Variants in RASSF3 observed in about 807,000 individuals in gnomAD.
RASSF3 encodes the protein Ras association domain family member 3.
RASSF3 carries 19 observed loss-of-function variants against 19.9 expected under a neutral mutation model. The ratio of observed to expected loss-of-function variants is 0.96; its 90% CI spans 0.67 to 1.40. The LOEUF (loss-of-function observed/expected upper bound fraction) is 1.40, where lower values mean the gene tolerates loss of function less well. Among genes scored for constraint, RASSF3 ranks in the 40% most tolerant of loss-of-function variants. The probability of loss-of-function intolerance (pLI) is 0.00; values close to 1 mark genes in which losing one functional copy is unlikely to be tolerated. For missense variants in RASSF3, 306 were observed against 289.8 expected (o/e 1.06, Z -0.41); for synonymous variants, 110 against 104.2 (o/e 1.06, Z -0.34).
upstream of RASSF3, among the ~76,000 whole-genome samples, chr12:64,531,660 G>A (rs1009067023): frequency 1.3e-5 from 2 of 152,144 alleles, no homozygotes; most frequent in African/African-American, 4.8e-5. Flanking sequence ...TTTCTAGAAA[G>A]ATGAGCTATG....
chr12:64,546,727 G>C (rs1270020960), intron 2 of RASSF3, among the ~76,000 whole-genome samples: 1 of 152,124 alleles, frequency 6.6e-6, no homozygotes, highest in East Asian at 1.9e-4. Context: ...AATATCTCAA[G>C]ACCCAGGATT....
chr12:64,623,096 T>C (rs910020681), intron 1 of RASSF3, among the ~76,000 whole-genome samples: 1 of 152,088 alleles, frequency 6.6e-6, no homozygotes, highest in Non-Finnish European at 1.5e-5. Flanking sequence ...GCTGAGATTA[T>C]AAGCATGAGC....
intron 1 of RASSF3, among the ~76,000 whole-genome samples, chr12:64,613,790 A>T (rs982391076): frequency 6.6e-6 from 1 of 151,966 alleles, no homozygotes; most frequent in Admixed American, 6.6e-5. Context: ...TACAAAAAAA[A>T]TGCAAAAATT....
In RASSF3 at chr12:64,669,664, T is replaced by C. The variant is rs73321779; in HGVS notation, c.112-15123T>C. On this transcript the variant is annotated intron_variant, in intron 1 of 4. Coordinates refer to ENST00000542104, the MANE Select transcript of RASSF3 (RefSeq NM_178169.4). Reference sequence around the variant, plus strand: ...CTTGGTAGCTGGGCTGCTGTTCTCCTTGACCCGTCCCTTTGCAAGCAGCAG... The same window carrying C: ...CTTGGTAGCTGGGCTGCTGTTCTCCCTGACCCGTCCCTTTGCAAGCAGCAG... Among the ~76,000 whole-genome samples, 1,014 of 151,934 alleles carry C rather than the reference T, an allele frequency of 6.7e-3. 14 individuals carry two copies. Among genetic ancestry groups the C allele is most frequent in the African/African-American group, 0.024 (980 of 41,396 alleles).
At chr12:64,560,965 T>C (rs1235541974) in intron 2 of RASSF3, among the ~76,000 whole-genome samples, 1 of 150,748 alleles carries the variant, frequency 6.6e-6, no homozygotes, top group Admixed American at 6.6e-5. Context: ...TAAAAGAGTC[T>C]GTATTAGTAA....
intron 2 of RASSF3, among the ~76,000 whole-genome samples, chr12:64,575,122 T>G (rs1230611764): frequency 1.3e-5 from 2 of 152,244 alleles, no homozygotes; most frequent in African/African-American, 4.8e-5. Context: ...CTGTCATTTA[T>G]GTACATAGCA....
chr12:64,641,055 T>C (rs1871499225), intron 1 of RASSF3, among the ~76,000 whole-genome samples: 2 of 151,978 alleles, frequency 1.3e-5, no homozygotes, highest in South Asian at 2.1e-4. Flanking sequence ...GATATACTTA[T>C]TTAACGTCAA....
chr12:64,573,082 G>A (rs1302051053), intron 2 of RASSF3, among the ~76,000 whole-genome samples: 1 of 152,120 alleles, frequency 6.6e-6, no homozygotes, highest in Non-Finnish European at 1.5e-5. Flanking sequence ...GCCAGGTATG[G>A]TGGCTCGTGC....
chr12:64,599,825 G>A (rs1046140927), intron 2 of RASSF3, among the ~76,000 whole-genome samples: 4 of 152,070 alleles, frequency 2.6e-5, no homozygotes, highest in African/African-American at 7.2e-5. Flanking sequence ...GAGGTCAGGA[G>A]ATCGAGACCA....
At chr12:64,507,411 G>A (rs769430254) in intron 1 of RASSF3, 53 of 397,056 alleles carry the variant, frequency 1.3e-4, no homozygotes, top group East Asian at 1.1e-3. Context: ...AGCCTCCCTC[G>A]CATGGGCAGG....
At chr12:64,580,547 G>T (rs982349139) in intron 2 of RASSF3, among the ~76,000 whole-genome samples, 4 of 150,066 alleles carry the variant, frequency 2.7e-5, no homozygotes, top group African/African-American at 7.4e-5. Flanking sequence ...CTGGGGGATA[G>T]AATGAGACCT....
At chr12:64,552,205 A>G (rs1046963256) in intron 2 of RASSF3, among the ~76,000 whole-genome samples, 1 of 152,114 alleles carries the variant, frequency 6.6e-6, no homozygotes, top group African/African-American at 2.4e-5. Context: ...GGAAGGAGGA[A>G]AGAGAGAAAG....
intron 2 of RASSF3, among the ~76,000 whole-genome samples, chr12:64,555,565 T>C (rs7308360): frequency 0.63 from 95,760 of 151,616 alleles, 31,023 homozygotes; most frequent in Non-Finnish European, 0.71. Flanking sequence ...CTGGCTAACA[T>C]GGTGAAACCC....
chr12:64,600,428 A>G (rs1296923516), intron 2 of RASSF3, among the ~76,000 whole-genome samples: 1 of 152,240 alleles, frequency 6.6e-6, no homozygotes, highest in Non-Finnish European at 1.5e-5. Flanking sequence ...AAACATACTG[A>G]GCAAACAGTA....
At position 64,625,678 on chromosome 12, in the gene RASSF3, C is replaced by G. The variant is rs963336620; in HGVS notation, c.111+14935C>G. Among the ~76,000 whole-genome samples, 4 of 152,184 alleles carry G rather than the reference C, an allele frequency of 2.6e-5. No individual in the cohort carries two copies. In the East Asian group the frequency reaches 7.7e-4, roughly 29 times the overall value. Reference sequence around the variant, plus strand: ...AAGGTAATACGTGCAAACTGTATAACGTGCTGCAAAGGCAGACTCTGCTGC... The same window carrying G: ...AAGGTAATACGTGCAAACTGTATAAGGTGCTGCAAAGGCAGACTCTGCTGC... On this transcript the variant is annotated intron_variant, in intron 1 of 4. Transcript: ENST00000542104.
Position 64,610,697 on chromosome 12 carries a change from CCTT to C in RASSF3, c.70_72del (p.Phe24del). ...GACTTCTTCTTCACCGCCAGGACCT[CCTT>C]CTTCAGGAGAGCGCCCCAGGGCAAG... On this transcript the variant is annotated inframe_deletion, in exon 1 of 5. Coordinates refer to ENST00000542104, the MANE Select transcript of RASSF3 (RefSeq NM_178169.4). 1 of 1,596,178 alleles carries C rather than the reference CCTT, an allele frequency of 6.3e-7. No individual in the cohort carries two copies. Among genetic ancestry groups the C allele is most frequent in the Non-Finnish European group, 8.5e-7 (1 of 1,173,018 alleles).
rs577238080 is a variant in RASSF3, at chr12:64,591,513, A to T, written c.294+49808A>T. On this transcript the variant is annotated intron_variant, in intron 2 of 5. Coordinates refer to the RASSF3 transcript ENST00000637125. ...TCAACCTGAGAGAGAATGATATAAC[A>T]AACCAATCATGTGCATTTAGCAGTT... is the stretch of plus-strand genomic sequence containing the variant. 2.0e-4 allele frequency among the ~76,000 whole-genome samples: 31 copies of T among 152,158 alleles called. No individual in the cohort carries two copies. The East Asian group carries it at 5.8e-3, about 28-fold the overall frequency.
intron 1 of RASSF3, among the ~76,000 whole-genome samples, chr12:64,643,606 T>G (rs905717061): frequency 3.3e-5 from 5 of 151,758 alleles, no homozygotes; most frequent in African/African-American, 9.7e-5. Flanking sequence ...CAAAACAGCA[T>G]GTATAATGTA....
At chr12:64,536,309 CTGT>C (rs1262828829) in intron 1 of RASSF3, among the ~76,000 whole-genome samples, 1 of 152,116 alleles carries the variant, frequency 6.6e-6, no homozygotes, top group African/African-American at 2.4e-5. Flanking sequence ...CGTGCCCAGC[CTGT>C]TTTCACTTTT....
Sources: gnomAD v4.1 joint callset for allele counts (sites outside exome capture counted in the v4.1 genomes callset) on GRCh38, gnomAD v4.1.1 for gene constraint, MANE v1.5 for transcripts, NCBI Gene and HGNC (gene_info 2026-07-23, HGNC 2026-07-21) for gene names.